PRKN: variants seen among roughly 807,000 people sequenced by gnomAD.
PRKN encodes the protein parkin RBR E3 ubiquitin protein ligase.
A neutral mutation model predicts 59.5 loss-of-function variants in PRKN; 56 were observed. That is an observed-to-expected ratio of 0.94 (90% CI 0.76 to 1.18). The LOEUF is 1.18. Among genes scored for constraint, PRKN ranks in the 50% most tolerant of loss-of-function variants. PRKN has a pLI of 0.00. For missense variants in PRKN, 657 were observed against 596.4 expected (o/e 1.10, Z -1.06); for synonymous variants, 250 against 222.1 (o/e 1.13, Z -1.12).
At chr6:162,268,232 C>G (rs1780219721) in intron 2 of PRKN, among the ~76,000 whole-genome samples, 1 of 152,126 alleles carries the variant, frequency 6.6e-6, no homozygotes. Context: ...TTCAACTTAA[C>G]CATCAATGTG....
chr6:161,816,172 C>G (rs1791771051), intron 6 of PRKN, among the ~76,000 whole-genome samples: 1 of 152,074 alleles, frequency 6.6e-6, no homozygotes, highest in Non-Finnish European at 1.5e-5. Flanking sequence ...TGCTCAGTAC[C>G]AACGAGGAGG....
chr6:161,902,577 T>G (rs886374183), intron 6 of PRKN, among the ~76,000 whole-genome samples: 2 of 147,452 alleles, frequency 1.4e-5, no homozygotes, highest in African/African-American at 5.0e-5. Flanking sequence ...TTTTTTTTTT[T>G]GCGACAGAGT....
chr6:162,230,226 T>A (rs1333310997), intron 3 of PRKN, among the ~76,000 whole-genome samples: 3 of 152,256 alleles, frequency 2.0e-5, no homozygotes. Flanking sequence ...TATTGGCCTA[T>A]ATGGAGCCAG....
At chr6:161,692,417 GTTC>G (rs762060861) in intron 7 of PRKN, among the ~76,000 whole-genome samples, 1 of 152,164 alleles carries the variant, frequency 6.6e-6, no homozygotes, top group Non-Finnish European at 1.5e-5. Flanking sequence ...ATAAGCACAT[GTTC>G]TTCTCTTTAC....
intron 6 of PRKN, among the ~76,000 whole-genome samples, chr6:161,931,171 C>T (rs1052523379): frequency 1.3e-5 from 2 of 152,122 alleles, no homozygotes; most frequent in African/African-American, 4.8e-5. Context: ...CGTGGTGGCT[C>T]ACGCCTGTAA....
intron 6 of PRKN, among the ~76,000 whole-genome samples, chr6:161,902,684 C>T (rs1777978688): frequency 6.6e-6 from 1 of 151,604 alleles, no homozygotes; most frequent in Non-Finnish European, 1.5e-5. Context: ...CCTTAGCCTC[C>T]CAAGTAGCTG....
At chr6:161,622,755 A>G (rs1782953329) in intron 7 of PRKN, among the ~76,000 whole-genome samples, 1 of 152,240 alleles carries the variant, frequency 6.6e-6, no homozygotes, top group South Asian at 2.1e-4. Flanking sequence ...GGAGAAACAA[A>G]AGAAATCAGA....
chr6:161,926,280 T>C (rs976805651), intron 6 of PRKN, among the ~76,000 whole-genome samples: 6 of 152,090 alleles, frequency 3.9e-5, no homozygotes, highest in African/African-American at 1.4e-4. Flanking sequence ...AATACGCAGG[T>C]CAAGACCTGG....
Position 161,348,426 on chromosome 6 carries a change from T to C in PRKN, c.*1673A>G, listed in dbSNP as rs1291931490. 1.8e-5 allele frequency: 4 copies of C among 223,880 alleles called. No homozygotes were observed. The highest frequency in any genetic ancestry group is 3.6e-5 in the Non-Finnish European group (4 of 112,336). 13.9% of individuals were successfully genotyped at this position (223,880 alleles called of 1,614,324 possible). A position where few individuals can be genotyped will look rare whatever the true frequency, so the allele number is the denominator to read the frequency against. On this transcript the variant is annotated 3_prime_UTR_variant, in exon 12 of 12. Transcript: ENST00000366898. The surrounding 1 kb of genome is among the most constrained non-coding windows in gnomAD (Gnocchi z 4.9). ...CACCGTGGGGCCATGTTGGAGTCGG[T>C]AGATTTTCAGACAGTGAAGCCACAT...
intron 1 of PRKN, among the ~76,000 whole-genome samples, chr6:162,662,755 T>C (rs977467014): frequency 3.9e-5 from 6 of 152,180 alleles, no homozygotes; most frequent in Non-Finnish European, 8.8e-5. Context: ...TTATTTCTGG[T>C]TTCTCTATCC....
chr6:162,446,192 T>C (rs1324302919), intron 1 of PRKN, among the ~76,000 whole-genome samples: 1 of 152,108 alleles, frequency 6.6e-6, no homozygotes, highest in Admixed American at 6.5e-5. Context: ...GACAACCAAT[T>C]CATCAGAAAA....
chr6:161,922,447 A>G (rs1778820415), intron 6 of PRKN, among the ~76,000 whole-genome samples: 1 of 152,058 alleles, frequency 6.6e-6, no homozygotes, highest in Non-Finnish European at 1.5e-5. Context: ...TTTTTCTCTC[A>G]TATTAGAAAT....
chr6:162,204,703 T>C (rs570788940), intron 3 of PRKN, among the ~76,000 whole-genome samples: 1 of 128,288 alleles, frequency 7.8e-6, no homozygotes, highest in South Asian at 2.8e-4. Flanking sequence ...TTAATTTTAT[T>C]CAGAAGTTTT....
chr6:162,620,355 A>AT (rs980329748), intron 1 of PRKN, among the ~76,000 whole-genome samples: 4 of 151,784 alleles, frequency 2.6e-5, no homozygotes, highest in African/African-American at 9.7e-5. Context: ...TAATTACATT[A>AT]TTTTTTTTCT....
chr6:161,533,553 C>A lies in PRKN; in HGVS notation c.1083+15301G>T, dbSNP rs1038195247. ...AGATAGCCCCACCAAGTGGAAAGCC[C>A]ATTTGCATAATAAGATTAGGGTGGG... is the stretch of plus-strand genomic sequence containing the variant. On this transcript the variant is annotated intron_variant, in intron 9 of 11. Transcript: ENST00000366898. The surrounding 1 kb of genome is among the most constrained non-coding windows in gnomAD (Gnocchi z 4.1). Among the ~76,000 whole-genome samples the A allele has an allele frequency of 6.6e-6, 1 of 152,118 alleles. No individual in the cohort carries two copies. Among genetic ancestry groups the A allele is most frequent in the Admixed American group, 6.6e-5 (1 of 15,260 alleles).
At chr6:162,144,193 C>A (rs570130543) in intron 4 of PRKN, among the ~76,000 whole-genome samples, 1 of 152,050 alleles carries the variant, frequency 6.6e-6, no homozygotes, top group Non-Finnish European at 1.5e-5. Flanking sequence ...GTTAACAAAG[C>A]GCACTTGGAG....
In PRKN at chr6:161,569,395, A is replaced by C. The variant is rs755374874; in HGVS notation, c.893T>G (p.Ile298Ser). 5.0e-6 allele frequency: 8 copies of C among 1,614,052 alleles called. No individual in the cohort carries two copies. Among genetic ancestry groups the C allele is most frequent in the Admixed American group, 1.7e-5 (1 of 60,034 alleles). The change falls in exon 8 of 12, where the codon ATT becomes AGT. Residue 298 changes from isoleucine to serine, a missense_variant. Transcript: ENST00000366898. The part of the protein sequence containing the change: ...PCVAGCPNSL[I>S]KELHHFRILG... ...AATCCTGAAGTGATGGAGCTCTTTA[A>C]TCAAGGAGTTGGGACAGCCAGCTGT...
intron 7 of PRKN, among the ~76,000 whole-genome samples, chr6:161,662,615 C>T (rs1273282465): frequency 6.6e-6 from 1 of 152,134 alleles, no homozygotes. Flanking sequence ...GAGTGAAATC[C>T]TAGCTCTGCC....
At position 161,604,671 on chromosome 6, in the gene PRKN, A is replaced by G. The variant is rs559142852; in HGVS notation, c.872-35255T>C. ...ACACATTGGCAAGCATGAACGGTTC[A>G]TGCCTGTAATCCCAACACTTTGGGA... On this transcript the variant is annotated intron_variant, in intron 7 of 11. Coordinates refer to ENST00000366898, the MANE Select transcript of PRKN (RefSeq NM_004562.3). Among the ~76,000 whole-genome samples, 6 of 152,330 alleles carry G rather than the reference A, an allele frequency of 3.9e-5. No homozygotes were observed. The South Asian group carries it at 1.2e-3, about 32-fold the overall frequency.
Sources: gnomAD v4.1 joint callset for allele counts (sites outside exome capture counted in the v4.1 genomes callset) on GRCh38, gnomAD v4.1.1 for gene constraint, Gnocchi (gnomAD v3.1) non-coding constraint, MANE v1.5 for transcripts, NCBI Gene and HGNC (gene_info 2026-07-23, HGNC 2026-07-21) for gene names.